Variants in NCF2 observed in about 807,000 individuals in gnomAD.
NCF2 encodes neutrophil cytosol factor 2.
NCF2 carries 45 observed loss-of-function variants against 70.9 expected under a neutral mutation model. The ratio of observed to expected loss-of-function variants is 0.63; its 90% CI spans 0.50 to 0.81. NCF2 has a LOEUF of 0.81. NCF2 is among the 40% of genes least tolerant of loss of function. NCF2 has a pLI of 0.00. For synonymous variants in NCF2, 203 were observed against 233.6 expected, an observed-to-expected ratio of 0.87 and a Z score of 1.19; for missense variants, 522 against 631.6, an observed-to-expected ratio of 0.83 and a Z score of 1.86.
chr1:183,558,935 T>C (rs1671914835), intron 14 of NCF2, among the ~76,000 whole-genome samples: 1 of 152,232 alleles, frequency 6.6e-6, no homozygotes, highest in African/African-American at 2.4e-5. Flanking sequence ...ATGGTAGTTT[T>C]TCACTGCTTT....
intron 4 of NCF2, among the ~76,000 whole-genome samples, chr1:183,573,550 C>G (rs764862093): frequency 1.6e-4 from 25 of 152,296 alleles, no homozygotes; most frequent in Admixed American, 1.0e-3. Context: ...AACTGCTCCT[C>G]TCCCACTCTG....
At chr1:183,577,181 C>T (rs186226188) in intron 3 of NCF2, among the ~76,000 whole-genome samples, 1 of 152,218 alleles carries the variant, frequency 6.6e-6, no homozygotes, top group Non-Finnish European at 1.5e-5. Context: ...AAGCTTCTGG[C>T]AGGTCCTGCA....
intron 5 of NCF2, 95 bp from the exon 6 acceptor site, chr1:183,570,934 G>A (rs966756651): frequency 3.1e-5 from 38 of 1,245,344 alleles, no homozygotes; most frequent in East Asian, 2.3e-4. Flanking sequence ...CTGTTCTTAC[G>A]TGAGCCTGGT....
rs1558087790 is a variant in NCF2 at position 183,556,031 on chromosome 1, C to T, written c.*87G>A. 2.8e-6 allele frequency: 3 copies of T among 1,075,548 alleles called. No individual in the cohort carries two copies. The South Asian group carries it at 3.8e-5, about 14-fold the overall frequency. The allele number at this position is 1,075,548 out of a possible 1,614,324, so 66.6% of individuals were successfully genotyped here. A position where few individuals can be genotyped will look rare whatever the true frequency, so the allele number is the denominator to read the frequency against. ...TTAACACTTCCAAACTGTAATGTCT[C>T]AGTACAGTATACAGCAGAAGGGTGC... On this transcript the variant is annotated 3_prime_UTR_variant, in exon 15 of 15. Transcript: ENST00000367535.
chr1:183,588,342 G>C (rs986952000), intron 1 of NCF2, among the ~76,000 whole-genome samples: 1 of 151,998 alleles, frequency 6.6e-6, no homozygotes. Flanking sequence ...GGGCTTGGTG[G>C]TGCATGCCTG....
intron 2 of NCF2, among the ~76,000 whole-genome samples, chr1:183,585,686 A>G (rs1473194358): frequency 6.6e-6 from 1 of 151,722 alleles, no homozygotes; most frequent in Non-Finnish European, 1.5e-5. Context: ...ACTGATGCAC[A>G]CTGGTGGAAC....
At chr1:183,562,642 G>A (rs1672115711) in intron 13 of NCF2, among the ~76,000 whole-genome samples, 1 of 152,102 alleles carries the variant, frequency 6.6e-6, no homozygotes, top group African/African-American at 2.4e-5. Context: ...AAACCAGCCT[G>A]GCCAAGATGG....
intron 2 of NCF2, among the ~76,000 whole-genome samples, chr1:183,586,059 G>A (rs1312357427): frequency 6.6e-6 from 1 of 152,234 alleles, no homozygotes; most frequent in African/African-American, 2.4e-5. Context: ...ATCTGGCTGG[G>A]CGTGGTGGCA....
At chr1:183,556,261 T>C (rs1203921056) in intron 14 of NCF2, 31 bp from the exon 15 acceptor site, 1 of 1,581,558 alleles carries the variant, frequency 6.3e-7, no homozygotes, top group African/African-American at 1.3e-5. Context: ...CATGGATTTC[T>C]AAAACCACTG....
chr1:183,576,457 G>A (rs765356034), intron 3 of NCF2, among the ~76,000 whole-genome samples: 4 of 152,198 alleles, frequency 2.6e-5, no homozygotes, highest in Non-Finnish European at 5.9e-5. Context: ...CACATTGGGT[G>A]GGGAGTGGTG....
In NCF2 at chr1:183,590,151, C is replaced by T. The variant is rs1247862737; in HGVS notation, c.174+5G>A. On this transcript the variant is annotated splice_donor_5th_base_variant and intron_variant, in intron 1 of 14. Coordinates refer to ENST00000367535, the MANE Select transcript of NCF2 (RefSeq NM_000433.4). ...GGAGGCCCGGAAAGAGGCACCTCCA[C>T]TCACCTTCTCTGCTTCAGTCATGTT... is the stretch of plus-strand genomic sequence containing the variant. 1.2e-6 allele frequency: 2 copies of T among 1,614,024 alleles called. No homozygotes were observed. Among genetic ancestry groups the T allele is most frequent in the Non-Finnish European group, 1.7e-6 (2 of 1,180,018 alleles).
At chr1:183,600,673 A>G in the NCF2 span, among the ~76,000 whole-genome samples, 2 of 151,684 alleles carry the variant, frequency 1.3e-5, no homozygotes, top group Non-Finnish European at 2.9e-5. Flanking sequence ...CACATTCTCC[A>G]CCAAGAGACA....
At chr1:183,558,655 C>T (rs1671902796) in intron 14 of NCF2, among the ~76,000 whole-genome samples, 2 of 152,166 alleles carry the variant, frequency 1.3e-5, no homozygotes, top group African/African-American at 2.4e-5. Context: ...AACCTCCACT[C>T]CCGGGTTCAA....
intron 1 of NCF2, among the ~76,000 whole-genome samples, chr1:183,588,021 G>A (rs1160741104): frequency 6.6e-6 from 1 of 152,132 alleles, no homozygotes; most frequent in Non-Finnish European, 1.5e-5. Flanking sequence ...TACTAAATCA[G>A]TACTTTAAAA....
upstream of NCF2, among the ~76,000 whole-genome samples, chr1:183,592,127 T>C (rs1195278168): frequency 1.3e-5 from 2 of 152,200 alleles, no homozygotes; most frequent in East Asian, 1.9e-4. Context: ...ATGCAAACTC[T>C]TGTTTTGTAG....
chr1:183,585,016 C>A (rs1413324123), intron 2 of NCF2, among the ~76,000 whole-genome samples: 3 of 152,176 alleles, frequency 2.0e-5, no homozygotes, highest in Non-Finnish European at 2.9e-5. Flanking sequence ...CCCCAGATTG[C>A]CATTGTGTCT....
In NCF2 at chr1:183,590,359, G is replaced by A. The variant is rs772178602; in HGVS notation, c.-30C>T. The A allele has an allele frequency of 3.7e-6, 6 of 1,613,632 alleles. No individual in the cohort carries two copies. Among genetic ancestry groups the A allele is most frequent in the Non-Finnish European group, 5.1e-6 (6 of 1,179,604 alleles). ...AGGTAGAAACTAGGAGGCCAAGAGA[G>A]CTGCCAGGAGACAGAGAGAAGACAG... On this transcript the variant is annotated 5_prime_UTR_variant, in exon 1 of 15. Coordinates refer to ENST00000367535, the MANE Select transcript of NCF2 (RefSeq NM_000433.4).
intron 3 of NCF2, among the ~76,000 whole-genome samples, chr1:183,575,703 C>G (rs928604212): frequency 6.6e-6 from 1 of 152,208 alleles, no homozygotes; most frequent in African/African-American, 2.4e-5. Context: ...CACTTGCTCT[C>G]AGAGACGCCA....
At chr1:183,569,079 T>G in intron 7 of NCF2, 63 bp downstream of exon 7, 1 of 1,505,788 alleles carries the variant, frequency 6.6e-7, no homozygotes, top group Non-Finnish European at 9.2e-7. Flanking sequence ...TTCCCTCCCT[T>G]TCTTGCCATC....
Sources: gnomAD v4.1 joint callset for allele counts (sites outside exome capture counted in the v4.1 genomes callset) on GRCh38, gnomAD v4.1.1 for gene constraint, MANE v1.5 for transcripts, NCBI Gene and HGNC (gene_info 2026-07-23, HGNC 2026-07-21) for gene names.